The following PCDHA4 variants were observed in gnomAD, a reference collection of about 807,000 sequenced individuals.
PCDHA4 encodes protocadherin alpha 4.
Under a neutral mutation model 61.4 loss-of-function variants are expected in PCDHA4, and 49 were observed. The ratio of observed to expected loss-of-function variants is 0.80; its 90% CI spans 0.63 to 1.01. The LOEUF is 1.01. Ranked by LOEUF, PCDHA4 falls within the 50% of genes least tolerant of loss-of-function variation. The pLI is 0.00. For synonymous variants in PCDHA4, 590 were observed against 550.3 expected (o/e 1.07, Z -1.01); for missense variants, 1,254 against 1,235.8 (o/e 1.01, Z -0.22).
At chr5:140,897,648 T>C (rs556362001) in intron 1 of PCDHA4, among the ~76,000 whole-genome samples, 1 of 152,302 alleles carries the variant, frequency 6.6e-6, no homozygotes, top group African/African-American at 2.4e-5. Flanking sequence ...ACAATAAACA[T>C]ACGTGTGCAT....
chr5:140,929,511 G>T, intron 1 of PCDHA4: 1 of 781,088 alleles, frequency 1.3e-6, no homozygotes, highest in Non-Finnish European at 1.8e-6. Flanking sequence ...AGGCCTCAAG[G>T]GACTTATAGT....
rs565763627 is a variant in PCDHA4, at chr5:140,989,336, C to G, written c.2533+6773C>G. ...GTCTCACCAACTTTGCCACCTGACT[C>G]AGCTCAAAGGTGATAGGTCACCTGT... is the stretch of plus-strand genomic sequence containing the variant. On this transcript the variant is annotated intron_variant, in intron 3 of 3. Transcript: ENST00000530339. Among the ~76,000 whole-genome samples, 6 of 152,272 alleles carry G rather than the reference C, an allele frequency of 3.9e-5. 1 individual carries two copies. In the South Asian group the frequency reaches 1.0e-3, roughly 26 times the overall value.
At chr5:140,830,192 A>T in intron 1 of PCDHA4, 2 of 1,613,630 alleles carry the variant, frequency 1.2e-6, no homozygotes, top group Non-Finnish European at 1.7e-6. Flanking sequence ...CGTGTACCTG[A>T]TCATCGCCAT....
chr5:140,818,382 A>T (rs1393215714), intron 1 of PCDHA4, among the ~76,000 whole-genome samples: 1 of 152,174 alleles, frequency 6.6e-6, no homozygotes, highest in Non-Finnish European at 1.5e-5. Flanking sequence ...GAATCGTGGC[A>T]TTTTTCCATT....
At chr5:140,877,583 T>A (rs782090888) in intron 1 of PCDHA4, 2 of 1,613,816 alleles carry the variant, frequency 1.2e-6, no homozygotes, top group East Asian at 4.5e-5. Context: ...ATCATCGCCA[T>A]CTGTGCGGTG....
intron 3 of PCDHA4, among the ~76,000 whole-genome samples, chr5:140,997,500 C>T (rs567570276): frequency 5.3e-4 from 80 of 152,250 alleles, no homozygotes; most frequent in South Asian, 3.9e-3. Context: ...TGTATCTCAA[C>T]ATACCTAAAC....
At chr5:140,877,748 G>T in intron 1 of PCDHA4, 1 of 1,614,188 alleles carries the variant, frequency 6.2e-7, no homozygotes, top group Non-Finnish European at 8.5e-7. Flanking sequence ...CAGAGGGTGT[G>T]CTCTGCAGAG....
intron 1 of PCDHA4, among the ~76,000 whole-genome samples, chr5:140,950,864 A>G (rs1014752748): frequency 1.3e-5 from 2 of 151,930 alleles, no homozygotes; most frequent in Non-Finnish European, 2.9e-5. Context: ...ATTCTTGTAT[A>G]TTCTATATTG....
At chr5:140,882,718 T>A (rs782288800) in intron 1 of PCDHA4, 9 of 1,614,054 alleles carry the variant, frequency 5.6e-6, no homozygotes, top group Middle Eastern at 1.6e-4. Flanking sequence ...CTCCGGAAAC[T>A]CGATTTCCAC....
intron 1 of PCDHA4, chr5:140,870,490 G>A (rs372818492): frequency 7.8e-5 from 126 of 1,614,116 alleles, no homozygotes; most frequent in Non-Finnish European, 1.1e-4. Context: ...CACCGTGTTC[G>A]TGAAGGAGAA....
At chr5:140,927,123 C>T (rs2083865957) in intron 1 of PCDHA4, 1 of 1,613,986 alleles carries the variant, frequency 6.2e-7, no homozygotes, top group Non-Finnish European at 8.5e-7. Context: ...ATTTGGTGGT[C>T]AGAGAGCCGG....
chr5:140,913,117 GT>G (rs1393810466), intron 1 of PCDHA4, among the ~76,000 whole-genome samples: 23 of 152,262 alleles, frequency 1.5e-4, no homozygotes, highest in Admixed American at 5.2e-4. Flanking sequence ...CAGTTTGGAA[GT>G]TAACCCCTCC....
At chr5:140,872,614 T>G (rs1001550468) in intron 1 of PCDHA4, among the ~76,000 whole-genome samples, 1 of 152,320 alleles carries the variant, frequency 6.6e-6, no homozygotes, top group Admixed American at 6.5e-5. Flanking sequence ...TAATTTTTTT[T>G]GCCTGTTCTT....
intron 2 of PCDHA4, among the ~76,000 whole-genome samples, chr5:140,981,738 A>C: frequency 6.6e-6 from 1 of 152,114 alleles, no homozygotes. Flanking sequence ...TGAGAGATTA[A>C]TATGAGTTAG....
At chr5:141,008,341 T>C (rs1307430556) in intron 3 of PCDHA4, among the ~76,000 whole-genome samples, 2 of 152,132 alleles carry the variant, frequency 1.3e-5, no homozygotes, top group African/African-American at 4.8e-5. Context: ...TGATGGAGCT[T>C]TTCACGTGTC....
intron 1 of PCDHA4, among the ~76,000 whole-genome samples, chr5:140,933,411 T>C (rs1174569571): frequency 6.6e-6 from 1 of 152,084 alleles, no homozygotes; most frequent in Non-Finnish European, 1.5e-5. Flanking sequence ...CATCTACAGA[T>C]ATTCTGTGTT....
chr5:140,823,751 C>T (rs1767860558), intron 1 of PCDHA4: 2 of 1,613,712 alleles, frequency 1.2e-6, no homozygotes, highest in South Asian at 1.1e-5. Flanking sequence ...CCCCCGCTGA[C>T]AGCCACAGCC....
At chr5:140,887,661 T>A (rs1322494406) in intron 1 of PCDHA4, among the ~76,000 whole-genome samples, 1 of 152,170 alleles carries the variant, frequency 6.6e-6, no homozygotes, top group African/African-American at 2.4e-5. Context: ...CTTGGATCTG[T>A]GGATTTATCA....
In PCDHA4 at chr5:140,840,812, T is replaced by A. The variant is rs147965957; in HGVS notation, c.2385+31240T>A. On this transcript the variant is annotated intron_variant, in intron 1 of 3. Transcript: ENST00000530339. ...CTCACCTCAGAGTAATATATACCAG[T>A]GTTTCTGGTGACCAAATAAATATTA... 9.5e-4 allele frequency among the ~76,000 whole-genome samples: 144 copies of A among 152,170 alleles called. 3 individuals carry two copies. The highest frequency in any genetic ancestry group is 3.3e-3 in the African/African-American group (139 of 41,494).
Sources: gnomAD v4.1 joint callset for allele counts (sites outside exome capture counted in the v4.1 genomes callset) on GRCh38, gnomAD v4.1.1 for gene constraint, MANE v1.5 for transcripts, NCBI Gene and HGNC (gene_info 2026-07-23, HGNC 2026-07-21) for gene names.